TECPR2: variants seen among roughly 807,000 people sequenced by gnomAD.
TECPR2 encodes the protein tectonin beta-propeller repeat containing 2.
Under a neutral mutation model 138.1 loss-of-function variants are expected in TECPR2, and 65 were observed. The ratio of observed to expected loss-of-function variants is 0.47; its 90% confidence interval spans 0.39 to 0.58. The LOEUF (loss-of-function observed/expected upper bound fraction) is 0.58, where lower values mean the gene tolerates loss of function less well. TECPR2 is among the 20% of genes least tolerant of loss of function. The pLI is 0.00. For missense variants in TECPR2, 1,553 were observed against 1,824.5 expected, an observed-to-expected ratio of 0.85 and a Z score of 2.71; for synonymous variants, 746 against 749.8, an observed-to-expected ratio of 0.99 and a Z score of 0.08.
At chr14:102,462,186 C>T (rs1890426850) in intron 16 of TECPR2, among the ~76,000 whole-genome samples, 1 of 152,204 alleles carries the variant, frequency 6.6e-6, no homozygotes, top group Non-Finnish European at 1.5e-5. Context: ...TTAGCATGAT[C>T]ACTGCTGCCT....
chr14:102,482,590 G>A (rs1890916401), intron 17 of TECPR2, among the ~76,000 whole-genome samples: 1 of 152,084 alleles, frequency 6.6e-6, no homozygotes, highest in African/African-American at 2.4e-5. Context: ...CCGGATCCCG[G>A]GTCTTCCTCT....
At chr14:102,449,372 A>G (rs1377026327) in intron 13 of TECPR2, among the ~76,000 whole-genome samples, 1 of 152,226 alleles carries the variant, frequency 6.6e-6, no homozygotes, top group Non-Finnish European at 1.5e-5. Flanking sequence ...AAAAGTATAT[A>G]AAATGTGAAT....
chr14:102,476,961 TGAGCCCAG>T (rs1160376002), intron 17 of TECPR2, among the ~76,000 whole-genome samples: 1 of 152,188 alleles, frequency 6.6e-6, no homozygotes, highest in Non-Finnish European at 1.5e-5. Context: ...GAGGATCCCT[TGAGCCCAG>T]GAGGCAGAGG....
intron 17 of TECPR2, among the ~76,000 whole-genome samples, chr14:102,471,822 C>T (rs1890657269): frequency 6.6e-6 from 1 of 152,120 alleles, no homozygotes; most frequent in South Asian, 2.1e-4. Flanking sequence ...GGTTTTCTTG[C>T]TTTTTCTGTG....
chr14:102,422,998 GACAA>G (rs1430738057), intron 5 of TECPR2, among the ~76,000 whole-genome samples: 2 of 152,172 alleles, frequency 1.3e-5, no homozygotes, highest in Admixed American at 6.6e-5. Context: ...TTTTTAGATA[GACAA>G]ACAGTCATCA....
intron 16 of TECPR2, among the ~76,000 whole-genome samples, chr14:102,452,935 G>A (rs750536365): frequency 1.3e-5 from 2 of 152,196 alleles, no homozygotes; most frequent in Non-Finnish European, 2.9e-5. Context: ...CAGCTGCCCC[G>A]TCAGTCTTTC....
In TECPR2 at chr14:102,415,662, G is replaced by A. The variant is rs573038760; in HGVS notation, c.638+869G>A. On this transcript the variant is annotated intron_variant, in intron 5 of 19. Coordinates refer to ENST00000359520, the MANE Select transcript of TECPR2 (RefSeq NM_014844.5). This position sits in a 1 kb window ranked among gnomAD's most constrained non-coding sequence, Gnocchi z 4.3. ...AACGTGGGGGTGGGAAGCAGAGGGC[G>A]GCATTAGTACAGATCATGCGTTGAT... Among the ~76,000 whole-genome samples the A allele has an allele frequency of 6.6e-5, 10 of 152,266 alleles. No individual in the cohort carries two copies. Among genetic ancestry groups the A allele is most frequent in the South Asian group, 2.1e-4 (1 of 4,826 alleles).
rs368473676 is a variant in TECPR2, at chr14:102,434,552, C to T, written c.1735C>T (p.Arg579Trp). ...EMPHCHHAHG[R>W]ELLNGAREDV... ...GCCACACTGTCACCATGCACATGGG[C>T]GGGAGCTGCTCAATGGAGCGAGGGA... Residue 579 changes from arginine (R) to tryptophan (W), a missense_variant, in exon 9 of 20, where the codon CGG (arginine) becomes TGG (tryptophan). By Grantham distance (101) the Arg-to-Trp change is moderately radical. Transcript: ENST00000359520. 8 of 1,557,324 alleles carry T rather than the reference C, an allele frequency of 5.1e-6. No homozygotes were observed. Among genetic ancestry groups the T allele is most frequent in the Non-Finnish European group, 7.0e-6 (8 of 1,149,122 alleles).
intron 2 of TECPR2, among the ~76,000 whole-genome samples, chr14:102,386,679 T>C (rs1888014955): frequency 6.6e-6 from 1 of 152,172 alleles, no homozygotes; most frequent in Non-Finnish European, 1.5e-5. Flanking sequence ...ACGTATTTTT[T>C]TAACTTTACT....
intron 16 of TECPR2, among the ~76,000 whole-genome samples, chr14:102,460,316 A>G (rs1890375228): frequency 6.6e-6 from 1 of 151,436 alleles, no homozygotes; most frequent in Non-Finnish European, 1.5e-5. Flanking sequence ...ATAATAATCA[A>G]TTAATTAAAA....
At chr14:102,456,608 G>A (rs1026944938) in intron 16 of TECPR2, among the ~76,000 whole-genome samples, 1 of 88,530 alleles carries the variant, frequency 1.1e-5, no homozygotes, top group Non-Finnish European at 2.2e-5. Context: ...TTTTTTTTTT[G>A]AGACAGAGTC....
chr14:102,398,921 T>C (rs1888391640), intron 2 of TECPR2, among the ~76,000 whole-genome samples: 1 of 151,932 alleles, frequency 6.6e-6, no homozygotes, highest in African/African-American at 2.4e-5. Context: ...AAATGCCTCC[T>C]CATATACAAG....
At chr14:102,402,089 A>G (rs1354346554) in intron 2 of TECPR2, among the ~76,000 whole-genome samples, 1 of 152,222 alleles carries the variant, frequency 6.6e-6, no homozygotes, top group Non-Finnish European at 1.5e-5. Flanking sequence ...TCTACCCAAT[A>G]ACAATAGCAT....
rs534798946 is a variant in TECPR2 at position 102,371,017 on chromosome 14, T to G, written c.-72-5633T>G. On this transcript the variant is annotated intron_variant, in intron 1 of 19. Transcript: ENST00000359520. ...CTGTGTTTATAGCTAGGATGTAAGTTTTACTAATCCCATTTCAGATGGTAA... is the reference window on the plus strand; with the variant it reads ...CTGTGTTTATAGCTAGGATGTAAGTGTTACTAATCCCATTTCAGATGGTAA... Among the ~76,000 whole-genome samples the G allele has an allele frequency of 1.2e-4, 18 of 152,322 alleles. No homozygotes were observed. In the South Asian group the frequency reaches 3.7e-3, roughly 32 times the overall value.
chr14:102,449,133 T>G (rs1436687824), intron 13 of TECPR2, among the ~76,000 whole-genome samples: 1 of 152,180 alleles, frequency 6.6e-6, no homozygotes, highest in African/African-American at 2.4e-5. Flanking sequence ...GTAGTAGCAT[T>G]CGCCTGTATT....
At chr14:102,477,717 A>AT (rs35417768) in intron 17 of TECPR2, among the ~76,000 whole-genome samples, 29,370 of 117,118 alleles carry the variant, frequency 0.25, 4,187 homozygotes, top group East Asian at 0.48. Context: ...TGCCCGGCAA[A>AT]TTTTTTTTTT....
chr14:102,395,309 A>G (rs1888287381), intron 2 of TECPR2, among the ~76,000 whole-genome samples: 1 of 152,202 alleles, frequency 6.6e-6, no homozygotes, highest in Non-Finnish European at 1.5e-5. Context: ...TGTTTCTTGC[A>G]TATTTGGCAG....
chr14:102,392,086 T>G (rs1888191800), intron 2 of TECPR2, among the ~76,000 whole-genome samples: 1 of 152,136 alleles, frequency 6.6e-6, no homozygotes, highest in Non-Finnish European at 1.5e-5. Context: ...CCTCCCACAT[T>G]CAAGTGATTC....
At chr14:102,383,922 CTT>C (rs751851686) in intron 2 of TECPR2, among the ~76,000 whole-genome samples, 12 of 137,854 alleles carry the variant, frequency 8.7e-5, no homozygotes, top group Admixed American at 1.5e-4. Context: ...AGTAGTTGTT[CTT>C]TTTTTTTTTT....
Sources: gnomAD v4.1 joint callset for allele counts (sites outside exome capture counted in the v4.1 genomes callset) on GRCh38, gnomAD v4.1.1 for gene constraint, Gnocchi (gnomAD v3.1) non-coding constraint, MANE v1.5 for transcripts, NCBI Gene and HGNC (gene_info 2026-07-23, HGNC 2026-07-21) for gene names.